The following GALNT11 variants were observed in gnomAD, a reference collection of about 807,000 sequenced individuals.
The protein encoded by GALNT11 is polypeptide N-acetylgalactosaminyltransferase 11.
A neutral mutation model predicts 72.7 loss-of-function variants in GALNT11; 47 were observed. The observed-to-expected ratio is 0.65, with a 90% confidence interval of 0.51 to 0.82. The LOEUF is 0.82. Among genes scored for constraint, GALNT11 ranks in the 40% least tolerant of loss-of-function variants. The probability of loss-of-function intolerance (pLI) is 0.00; values close to 1 mark genes in which losing one functional copy is unlikely to be tolerated. For synonymous variants in GALNT11, 270 were observed against 286.6 expected (o/e 0.94, Z 0.58); for missense variants, 677 against 778.4 (o/e 0.87, Z 1.55).
intron 8 of GALNT11, among the ~76,000 whole-genome samples, chr7:152,113,919 GTT>G (rs36104315): frequency 5.5e-5 from 8 of 145,072 alleles, no homozygotes; most frequent in East Asian, 2.0e-4. Flanking sequence ...TTTAAAAAGT[GTT>G]TTTTTTTTTG....
chr7:152,044,931 T>A (rs1333413380), intron 1 of GALNT11, among the ~76,000 whole-genome samples: 1 of 152,096 alleles, frequency 6.6e-6, no homozygotes, highest in Non-Finnish European at 1.5e-5. Context: ...TTATTGTATA[T>A]GGCTTTTATT....
At chr7:152,106,345 C>G (rs2087549813) in intron 5 of GALNT11, among the ~76,000 whole-genome samples, 1 of 152,224 alleles carries the variant, frequency 6.6e-6, no homozygotes. Context: ...CCACCACTCC[C>G]CCTGTGGAGC....
At chr7:152,073,239 T>G (rs1274493827) in intron 1 of GALNT11, among the ~76,000 whole-genome samples, 1 of 152,214 alleles carries the variant, frequency 6.6e-6, no homozygotes, top group Admixed American at 6.5e-5. Context: ...TATAGACCAG[T>G]AGAACTTATT....
intron 8 of GALNT11, among the ~76,000 whole-genome samples, chr7:152,116,383 T>C (rs990997127): frequency 1.1e-4 from 16 of 152,070 alleles, no homozygotes; most frequent in African/African-American, 2.9e-4. Flanking sequence ...CCAAGGAGCA[T>C]GCGCCACCAC....
Position 152,103,367 on chromosome 7 carries a change from C to T in GALNT11, c.586+89C>T, listed in dbSNP as rs959763588. ...ACTAACACAGCTGAACTTTCAAGTA[C>T]GTGGTAGGTGGGGATCCTACACGTG... On this transcript the variant is annotated intron_variant, in intron 4 of 11. Transcript: ENST00000430044. The T allele has an allele frequency of 2.1e-4, 292 of 1,368,520 alleles. 1 individual carries two copies. The highest frequency in any genetic ancestry group is 1.1e-3 in the Middle Eastern group (6 of 5,398). 84.8% of individuals were successfully genotyped at this position (1,368,520 alleles called of 1,614,324 possible).
At chr7:152,064,307 G>A (rs569610316) in intron 1 of GALNT11, among the ~76,000 whole-genome samples, 2 of 152,174 alleles carry the variant, frequency 1.3e-5, no homozygotes, top group Admixed American at 1.3e-4. Context: ...CCATTTGCTT[G>A]GTAGATCTTC....
chr7:152,051,213 T>G (rs1055517430), intron 1 of GALNT11, among the ~76,000 whole-genome samples: 12 of 148,348 alleles, frequency 8.1e-5, no homozygotes, highest in South Asian at 2.1e-4. Context: ...TTTTTTTTTT[T>G]TTTTTTTTTT....
chr7:152,110,559 ATGAACAGAC>A lies in GALNT11; in HGVS notation c.995_1003del (p.Met332_Gln335delinsLys). The A allele has an allele frequency of 6.2e-7, 1 of 1,613,630 alleles. No individual in the cohort carries two copies. The highest frequency in any genetic ancestry group is 1.1e-5 in the South Asian group (1 of 90,868). On this transcript the variant is annotated inframe_deletion, in exon 7 of 12. Transcript: ENST00000430044. ...AACAATGGCTGGAGGTTTGTTTGCCATGAACAGACAGTATTTCCATGAACTTGGACAGTA... is the reference window on the plus strand; with the variant it reads ...AACAATGGCTGGAGGTTTGTTTGCCAAGTATTTCCATGAACTTGGACAGTA...
chr7:152,051,985 C>G (rs1000698165), intron 1 of GALNT11, among the ~76,000 whole-genome samples: 6 of 152,068 alleles, frequency 3.9e-5, no homozygotes, highest in Non-Finnish European at 7.4e-5. Context: ...TCACTATCAC[C>G]AAAACTTTTT....
In GALNT11 at chr7:152,113,359, C is replaced by T. The variant is rs1162295120; in HGVS notation, c.1194C>T (p.Asn398=). 1.2e-6 allele frequency: 2 copies of T among 1,614,002 alleles called. No individual in the cohort carries two copies. The highest frequency in any genetic ancestry group is 1.7e-6 in the Non-Finnish European group (2 of 1,179,978). ...AAGGCCAGGACACCATGACACACAA[C>T]TCTTTGCGGCTGGCACATGTCTGGT... ...SPEGQDTMTH[N]SLRLAHVWLD... Residue 398 remains asparagine (N), a synonymous_variant, in exon 8 of 12, where the codon AAC becomes AAT. Coordinates refer to ENST00000430044, the MANE Select transcript of GALNT11 (RefSeq NM_022087.4).
intron 1 of GALNT11, among the ~76,000 whole-genome samples, chr7:152,082,818 C>T (rs1358501414): frequency 1.3e-5 from 2 of 152,152 alleles, no homozygotes; most frequent in Non-Finnish European, 2.9e-5. Flanking sequence ...TGTTGTCAAG[C>T]TTTTGGATTT....
chr7:152,063,621 C>A (rs1169877017), intron 1 of GALNT11, among the ~76,000 whole-genome samples: 1 of 152,010 alleles, frequency 6.6e-6, no homozygotes, highest in African/African-American at 2.4e-5. Context: ...TTCCCTCTAC[C>A]CACTGCTTTA....
intron 1 of GALNT11, among the ~76,000 whole-genome samples, chr7:152,092,391 G>A (rs2086098069): frequency 6.6e-6 from 1 of 151,964 alleles, no homozygotes; most frequent in Non-Finnish European, 1.5e-5. Context: ...TATGTCTTTA[G>A]TTTTAAAAGT....
intron 8 of GALNT11, among the ~76,000 whole-genome samples, chr7:152,114,531 C>T (rs2088629740): frequency 6.6e-6 from 1 of 152,000 alleles, no homozygotes; most frequent in Admixed American, 6.6e-5. Context: ...TTACTTTATC[C>T]ACCAGCTGAT....
At chr7:152,045,084 A>G (rs1312711872) in intron 1 of GALNT11, among the ~76,000 whole-genome samples, 3 of 152,110 alleles carry the variant, frequency 2.0e-5, no homozygotes, top group Non-Finnish European at 4.4e-5. Flanking sequence ...GATGTATCAT[A>G]TTGATTGATT....
chr7:152,103,407 C>A, intron 4 of GALNT11, 129 bp downstream of exon 4: 1 of 861,810 alleles, frequency 1.2e-6, no homozygotes, highest in Non-Finnish European at 1.7e-6. Context: ...CACAGCTGGG[C>A]TGACCACAAA....
At chr7:152,104,761 A>C (rs373223567) in intron 4 of GALNT11, 1 of 152,258 alleles carries the variant, frequency 6.6e-6, no homozygotes. Flanking sequence ...GAAAGATGCT[A>C]AATTAATAAA....
intron 1 of GALNT11, among the ~76,000 whole-genome samples, chr7:152,055,270 A>G (rs1429475012): frequency 6.6e-6 from 1 of 152,222 alleles, no homozygotes; most frequent in East Asian, 1.9e-4. Flanking sequence ...AATTCATCCC[A>G]TAAAAGATGC....
intron 1 of GALNT11, among the ~76,000 whole-genome samples, chr7:152,073,086 A>G (rs895949978): frequency 1.3e-5 from 2 of 152,218 alleles, no homozygotes; most frequent in African/African-American, 4.8e-5. Flanking sequence ...TACGTAACGT[A>G]TCAGTGATCA....
Sources: allele counts gnomAD v4.1 joint callset (sites outside exome capture counted in the v4.1 genomes callset), GRCh38; gene constraint gnomAD v4.1.1; transcripts MANE v1.5; gene names NCBI Gene and HGNC (gene_info 2026-07-23, HGNC 2026-07-21).